ADARB1: variants seen among roughly 807,000 people sequenced by gnomAD.
The protein encoded by ADARB1 is double-stranded RNA-specific editase 1.
ADARB1 carries 10 observed loss-of-function variants against 52.4 expected under a neutral mutation model. The observed-to-expected ratio is 0.19, with a 90% confidence interval of 0.12 to 0.32. The LOEUF is 0.32. Ranked by LOEUF, ADARB1 falls within the 10% of genes least tolerant of loss-of-function variation. The probability of loss-of-function intolerance (pLI) is 1.00; values close to 1 mark genes in which losing one functional copy is unlikely to be tolerated. For synonymous variants in ADARB1, 349 were observed against 371.1 expected, an observed-to-expected ratio of 0.94 and a Z score of 0.68; for missense variants, 643 against 922.3, an observed-to-expected ratio of 0.70 and a Z score of 3.92.
intron 1 of ADARB1, among the ~76,000 whole-genome samples, chr21:45,122,281 C>T (rs926109252): frequency 2.8e-4 from 42 of 152,186 alleles, no homozygotes; most frequent in African/African-American, 9.2e-4. Context: ...GAAACAGTTG[C>T]TTCGTTTAAT....
chr21:45,112,521 T>C (rs545701916), intron 1 of ADARB1, among the ~76,000 whole-genome samples: 5 of 151,906 alleles, frequency 3.3e-5, no homozygotes, highest in African/African-American at 7.2e-5. Context: ...GGTGTGTATC[T>C]CTGTGTAGAG....
chr21:45,081,790 C>T (rs1417122800), intron 1 of ADARB1, among the ~76,000 whole-genome samples: 1 of 152,130 alleles, frequency 6.6e-6, no homozygotes, highest in African/African-American at 2.4e-5. Context: ...GGAGGGGGGA[C>T]AACAGCCTTC....
intron 2 of ADARB1, among the ~76,000 whole-genome samples, chr21:45,134,382 T>C (rs2089227892): frequency 6.6e-6 from 1 of 150,816 alleles, no homozygotes; most frequent in Non-Finnish European, 1.5e-5. Context: ...CAGTGGTGTG[T>C]GCGCCCGATG....
Position 45,183,383 on chromosome 21 carries a change from A to G in ADARB1, c.1269A>G (p.Arg423=). The change falls in exon 7 of 11, where the codon AGA becomes AGG. Residue 423 remains arginine, a synonymous_variant. Transcript: ENST00000348831. ...LYLNNKDDQK[R]SIFQKSERGG... is the part of the protein sequence containing the mutation. ...TCAGTAACAAAGATGATCAAAAAAG[A>G]TCCATCTTTCAGAAATCAGAGCGAG... 1.2e-6 allele frequency: 2 copies of G among 1,603,674 alleles called. No individual in the cohort carries two copies. The highest frequency in any genetic ancestry group is 2.2e-5 in the East Asian group (1 of 44,504).
rs753606606 is a variant in ADARB1 at position 45,220,855 on chromosome 21, A to G, written c.1767A>G (p.Ala589=). 1.2e-6 allele frequency: 2 copies of G among 1,613,334 alleles called. No homozygotes were observed. Among genetic ancestry groups the G allele is most frequent in the South Asian group, 2.2e-5 (2 of 91,078 alleles). The change falls in exon 10 of 11, where the codon GCA becomes GCG. Residue 589 remains alanine, a synonymous_variant. Transcript: ENST00000348831. This position sits in a 1 kb window ranked among gnomAD's most constrained non-coding sequence, Gnocchi z 6.3. The stretch of plus-strand genomic sequence containing the variant: ...TTTCAGGCATCAGCAATGCAGAAGC[A>G]CGGCAGCCAGGGAAGGCCCCCAACT... ...PLLSGISNAE[A]RQPGKAPNFS... is the part of the protein sequence containing the mutation.
In ADARB1 at chr21:45,207,540, GGA is replaced by G. The variant is rs199543508; in HGVS notation, c.1747+2806_1747+2807del. Among the ~76,000 whole-genome samples the G allele has an allele frequency of 7.5e-4, 114 of 152,256 alleles. No homozygotes were observed. The East Asian group carries it at 0.021, about 28-fold the overall frequency. On this transcript the variant is annotated intron_variant, in intron 9 of 10. Transcript: ENST00000348831. The stretch of plus-strand genomic sequence containing the variant: ...AAATGTTGATGTCTTAATAGATTTG[GGA>G]GGTCACACTCTTTAAAAATGGGTCC...
chr21:45,194,957 A>G (rs2092392775), intron 8 of ADARB1, among the ~76,000 whole-genome samples: 1 of 152,190 alleles, frequency 6.6e-6, no homozygotes, highest in Non-Finnish European at 1.5e-5. Context: ...GCTGGGTAGT[A>G]TGGTGAGGAT....
intron 1 of ADARB1, among the ~76,000 whole-genome samples, chr21:45,118,094 A>G (rs2087931475): frequency 6.6e-6 from 1 of 152,254 alleles, no homozygotes; most frequent in Non-Finnish European, 1.5e-5. Flanking sequence ...AGTAACATTT[A>G]TAGTATTATG....
At chr21:45,195,822 G>T (rs1189592456) in intron 8 of ADARB1, among the ~76,000 whole-genome samples, 1 of 152,104 alleles carries the variant, frequency 6.6e-6, no homozygotes, top group East Asian at 1.9e-4. Context: ...AGTATAGTAA[G>T]TCTTTAAGTC....
chr21:45,114,357 G>T (rs1051054108), intron 1 of ADARB1, among the ~76,000 whole-genome samples: 1 of 152,134 alleles, frequency 6.6e-6, no homozygotes, highest in Non-Finnish European at 1.5e-5. Flanking sequence ...CACAGAGACC[G>T]CAGATAACCC....
intron 8 of ADARB1, among the ~76,000 whole-genome samples, chr21:45,190,085 A>G (rs577324006): frequency 6.6e-6 from 1 of 152,002 alleles, no homozygotes. Context: ...TACTTGTATA[A>G]GTCTGCTTGA....
intron 8 of ADARB1, among the ~76,000 whole-genome samples, chr21:45,190,375 TC>T (rs2092248860): frequency 1.3e-5 from 2 of 152,208 alleles, no homozygotes; most frequent in Non-Finnish European, 2.9e-5. Flanking sequence ...TATGTTCTCT[TC>T]TAGCTCATTA....
Position 45,141,374 on chromosome 21 carries a change from C to A in ADARB1, c.-48+12801C>A, listed in dbSNP as rs147853652. Reference sequence around the variant, plus strand: ...TTACAGAATATATTTCAAAGGATTGCCATTCTGTTTTATTTTTAGTAGCCA... The same window carrying A: ...TTACAGAATATATTTCAAAGGATTGACATTCTGTTTTATTTTTAGTAGCCA... On this transcript the variant is annotated intron_variant, in intron 2 of 10. Transcript: ENST00000348831. Among the ~76,000 whole-genome samples the A allele has an allele frequency of 1.9e-3, 288 of 152,132 alleles. 2 individuals carry two copies. In the East Asian group the frequency reaches 0.024, roughly 13 times the overall value.
chr21:45,179,572 C>T (rs2091844113), intron 4 of ADARB1, among the ~76,000 whole-genome samples: 1 of 152,244 alleles, frequency 6.6e-6, no homozygotes, highest in Admixed American at 6.5e-5. Flanking sequence ...CATCTGTTCT[C>T]AGAAGCACTT....
intron 2 of ADARB1, among the ~76,000 whole-genome samples, chr21:45,162,013 G>A (rs2146039909): frequency 6.6e-6 from 1 of 152,298 alleles, no homozygotes; most frequent in East Asian, 1.9e-4. Flanking sequence ...CATGGGAGAA[G>A]AACTCAGGAC....
intron 1 of ADARB1, among the ~76,000 whole-genome samples, chr21:45,085,320 C>T (rs891999725): frequency 2.5e-4 from 38 of 152,208 alleles, no homozygotes; most frequent in South Asian, 2.1e-4. Flanking sequence ...GAGCTACAGA[C>T]GTGACCTCTG....
At chr21:45,084,794 C>T (rs2086276393) in intron 1 of ADARB1, among the ~76,000 whole-genome samples, 1 of 152,188 alleles carries the variant, frequency 6.6e-6, no homozygotes, top group Non-Finnish European at 1.5e-5. Context: ...TGCACATAAG[C>T]CCAGTTTTGT....
intron 1 of ADARB1, among the ~76,000 whole-genome samples, chr21:45,112,443 C>A (rs1158581287): frequency 2.6e-5 from 4 of 151,970 alleles, no homozygotes; most frequent in African/African-American, 9.7e-5. Flanking sequence ...CATAACCCTT[C>A]CCTCTTCTCT....
In ADARB1 at chr21:45,224,203, T is replaced by C. The variant is rs898138943; in HGVS notation, c.*2006T>C. On this transcript the variant is annotated 3_prime_UTR_variant, in exon 11 of 11. Transcript: ENST00000348831. ...TTCGTTTTTAAAAATATGTGGATTT[T>C]GGTTACCAAGTTTAGTGTTAATATA... is the stretch of plus-strand genomic sequence containing the variant. 2 of 985,330 alleles carry C rather than the reference T, an allele frequency of 2.0e-6. No homozygotes were observed. The highest frequency in any genetic ancestry group is 2.4e-6 in the Non-Finnish European group (2 of 829,944). The allele number at this position is 985,330 out of a possible 1,614,324, so 61.0% of individuals were successfully genotyped here.
Sources: allele counts gnomAD v4.1 joint callset (sites outside exome capture counted in the v4.1 genomes callset), GRCh38; gene constraint gnomAD v4.1.1; non-coding constraint Gnocchi (gnomAD v3.1); transcripts MANE v1.5; gene names NCBI Gene and HGNC (gene_info 2026-07-23, HGNC 2026-07-21).